The following SLC9D1 variants were observed in gnomAD, a reference collection of about 807,000 sequenced individuals.
SLC9D1 encodes the protein putative LAG1-interacting protein.
the SLC9D1 span, among the ~76,000 whole-genome samples, chr13:113,520,041 T>C: frequency 3.3e-5 from 5 of 152,268 alleles, no homozygotes; most frequent in Non-Finnish European, 7.3e-5. Flanking sequence ...TTGTTTGCCA[T>C]GTCACCTTTT....
the SLC9D1 span, among the ~76,000 whole-genome samples, chr13:113,525,991 G>T: frequency 6.7e-6 from 1 of 149,494 alleles, no homozygotes; most frequent in Non-Finnish European, 1.5e-5. Flanking sequence ...GCTCTGTGCC[G>T]GTTATTCTAG....
At chr13:113,548,495 G>A in the SLC9D1 span, 2 of 1,572,372 alleles carry the variant, frequency 1.3e-6, no homozygotes, top group Non-Finnish European at 1.7e-6. Context: ...GGCGGCACGG[G>A]CTGCACTCTG....
At chr13:113,529,494 C>CA in the SLC9D1 span, 2 of 152,034 alleles carry the variant, frequency 1.3e-5, no homozygotes, top group Non-Finnish European at 2.9e-5. Flanking sequence ...ACTAAAAATA[C>CA]AAAAAATTAG....
the SLC9D1 span, chr13:113,534,072 G>A: frequency 6.2e-7 from 1 of 1,608,538 alleles, no homozygotes; most frequent in Non-Finnish European, 8.5e-7. Flanking sequence ...TCCGAATCCT[G>A]GTTTTGATTG....
At chr13:113,510,214 G>A in the SLC9D1 span, 1 of 1,605,310 alleles carries the variant, frequency 6.2e-7, no homozygotes, top group South Asian at 1.1e-5. Flanking sequence ...TAAAAAGTGT[G>A]TGACTCACTG....
chr13:113,548,547 G>A, the SLC9D1 span: 67 of 1,358,254 alleles, frequency 4.9e-5, no homozygotes, highest in South Asian at 2.1e-4. Context: ...GCAGCACAGC[G>A]GGGCCTGGGG....
chr13:113,498,444 A>G, the SLC9D1 span: 7 of 1,588,140 alleles, frequency 4.4e-6, no homozygotes, highest in Non-Finnish European at 5.1e-6. Flanking sequence ...GCTTGACGAG[A>G]TTCTTGAAGA....
chr13:113,539,591 T>C, the SLC9D1 span: 1 of 1,391,950 alleles, frequency 7.2e-7, no homozygotes, highest in Non-Finnish European at 9.8e-7. The surrounding 1 kb of genome is among the most constrained non-coding windows in gnomAD (Gnocchi z 4.8). Flanking sequence ...CATATATATT[T>C]ATATAGCAAA....
the SLC9D1 span, chr13:113,498,621 T>A: frequency 1.0e-6 from 1 of 969,962 alleles, no homozygotes; most frequent in Non-Finnish European, 1.5e-6. Flanking sequence ...TAATGTAGAT[T>A]GAAAATGAAG....
the SLC9D1 span, chr13:113,539,294 G>A: frequency 6.5e-7 from 1 of 1,543,894 alleles, no homozygotes; most frequent in Non-Finnish European, 8.8e-7. The surrounding 1 kb of genome is among the most constrained non-coding windows in gnomAD (Gnocchi z 4.8). Flanking sequence ...GGGTGGCCTT[G>A]GGATGGGGGT....
At chr13:113,503,381 G>GTGTGTA in the SLC9D1 span, 1 of 624,126 alleles carries the variant, frequency 1.6e-6, no homozygotes, top group Non-Finnish European at 2.9e-6. Context: ...GTGTGTGTGT[G>GTGTGTA]TGTATGTGTG....
At chr13:113,547,692 T>C in the SLC9D1 span, among the ~76,000 whole-genome samples, 1 of 152,196 alleles carries the variant, frequency 6.6e-6, no homozygotes, top group African/African-American at 2.4e-5. Flanking sequence ...CAGACATGCT[T>C]TTTAAAGACT....
At chr13:113,500,053 G>GGT in the SLC9D1 span, 2 of 1,593,658 alleles carry the variant, frequency 1.3e-6, no homozygotes, top group East Asian at 2.3e-5. Flanking sequence ...AGGATGACTT[G>GGT]GGTCTTAGCA....
At chr13:113,531,210 G>A in the SLC9D1 span, among the ~76,000 whole-genome samples, 2 of 152,266 alleles carry the variant, frequency 1.3e-5, no homozygotes, top group African/African-American at 2.4e-5. Context: ...CTGAGCAAAT[G>A]ATGGTGCGTC....
At chr13:113,513,446 A>G in the SLC9D1 span, among the ~76,000 whole-genome samples, 28,177 of 152,036 alleles carry the variant, frequency 0.19, 3,451 homozygotes, top group African/African-American at 0.35. Context: ...AGAAAAGGAG[A>G]TGTTTGAGTT....
the SLC9D1 span, among the ~76,000 whole-genome samples, chr13:113,526,526 C>A: frequency 2.0e-5 from 3 of 151,832 alleles, no homozygotes; most frequent in African/African-American, 7.3e-5. Flanking sequence ...CAAGACCAGC[C>A]TGGGCAACAT....
the SLC9D1 span, chr13:113,520,689 C>T: frequency 0.15 from 244,466 of 1,613,114 alleles, 21,408 homozygotes; most frequent in African/African-American, 0.37. Context: ...TCTTCATGGC[C>T]GTCATGCCGA....
chr13:113,498,382 A>C, the SLC9D1 span: 1 of 1,564,068 alleles, frequency 6.4e-7, no homozygotes, highest in African/African-American at 1.4e-5. Context: ...GCAGAAAAAC[A>C]TCAAGTTGAA....
the SLC9D1 span, chr13:113,534,125 T>G: frequency 6.2e-7 from 1 of 1,613,240 alleles, no homozygotes; most frequent in South Asian, 1.1e-5. Flanking sequence ...CTTTTATGTC[T>G]TGTTATAAAG....
Sources: gnomAD v4.1 joint callset for allele counts (sites outside exome capture counted in the v4.1 genomes callset) on GRCh38, gnomAD v4.1.1 for gene constraint, Gnocchi (gnomAD v3.1) non-coding constraint, MANE v1.5 for transcripts, NCBI Gene and HGNC (gene_info 2026-07-23, HGNC 2026-07-21) for gene names.